Variants in DNER observed in about 807,000 individuals in gnomAD.
DNER encodes the protein delta/notch like EGF repeat containing.
A neutral mutation model predicts 78.2 loss-of-function variants in DNER; 33 were observed. That is an observed-to-expected ratio of 0.42 (90% CI 0.32 to 0.56). The LOEUF (loss-of-function observed/expected upper bound fraction) is 0.56, where lower values mean the gene tolerates loss of function less well. Among genes scored for constraint, DNER ranks in the 20% least tolerant of loss-of-function variants. DNER has a pLI of 0.11. For synonymous variants in DNER, 417 were observed against 384.8 expected, an observed-to-expected ratio of 1.08 and a Z score of -0.98; for missense variants, 918 against 975.3, an observed-to-expected ratio of 0.94 and a Z score of 0.78.
chr2:229,686,648 GCTGACTCCAGC>G (rs1242976601), intron 1 of DNER, among the ~76,000 whole-genome samples: 8 of 152,164 alleles, frequency 5.3e-5, no homozygotes, highest in Middle Eastern at 3.4e-3. Context: ...TCCTCCATGA[GCTGACTCCAGC>G]CTGACTCCAG....
At chr2:229,444,003 A>G (rs16826027) in intron 8 of DNER, among the ~76,000 whole-genome samples, 9,523 of 152,256 alleles carry the variant, frequency 0.063, 1,013 homozygotes, top group African/African-American at 0.22. Context: ...TGTCACGATT[A>G]CAAGGCTCTG....
chr2:229,405,390 C>T, intron 10 of DNER, among the ~76,000 whole-genome samples: 1 of 152,098 alleles, frequency 6.6e-6, no homozygotes, highest in Admixed American at 6.6e-5. Context: ...CCCTGGGATT[C>T]TATTTCTGCA....
chr2:229,442,528 AAT>A (rs1227484464), intron 8 of DNER, among the ~76,000 whole-genome samples: 1 of 140,866 alleles, frequency 7.1e-6, no homozygotes, highest in Non-Finnish European at 1.5e-5. Flanking sequence ...AAAAAAAAAA[AAT>A]GCTGGTAAAC....
Position 229,363,995 on chromosome 2 carries a change from TTTTTTTTTTTTTTTTTTTC to T in DNER, c.2102+2859_2102+2877del, listed in dbSNP as rs1450746160. On this transcript the variant is annotated intron_variant, in intron 12 of 12. Transcript: ENST00000341772. ...CTTGTCAATTCTCTGCTTTTTTTTTTTTTTTTTTTTTTTTTTTTCTGAGACAGAGTCTCCCTCTGTCGCC... is the reference window on the plus strand; with the variant it reads ...CTTGTCAATTCTCTGCTTTTTTTTTTTGAGACAGAGTCTCCCTCTGTCGCC... Among the ~76,000 whole-genome samples the T allele has an allele frequency of 3.9e-5, 5 of 129,364 alleles. No individual in the cohort carries two copies. In the South Asian group the frequency reaches 1.4e-3, roughly 36 times the overall value. The allele number at this position is 129,364 out of a possible 152,430, so 84.9% of individuals were successfully genotyped here. A position where few individuals can be genotyped will look rare whatever the true frequency, so the allele number is the denominator to read the frequency against.
chr2:229,584,006 GGTCA>G (rs1235361523), intron 4 of DNER, among the ~76,000 whole-genome samples: 2 of 152,186 alleles, frequency 1.3e-5, no homozygotes, highest in African/African-American at 2.4e-5. Flanking sequence ...ATCAGAAGAG[GGTCA>G]GTCAAACATA....
intron 1 of DNER, among the ~76,000 whole-genome samples, chr2:229,667,873 T>C (rs1574553121): frequency 6.6e-6 from 1 of 152,192 alleles, no homozygotes; most frequent in Admixed American, 6.5e-5. Flanking sequence ...ATAGTCATGG[T>C]ATCAACAGGC....
rs16826281 is a variant in DNER, at chr2:229,621,278, C to A, written c.277-29390G>T. Among the ~76,000 whole-genome samples, 1,490 of 152,306 alleles carry A rather than the reference C, an allele frequency of 9.8e-3. 22 individuals are homozygous for A. The highest frequency in any genetic ancestry group is 0.034 in the African/African-American group (1,432 of 41,560). ...GCCCTATTTTGATCATTCCTACATA[C>A]CGTTGTCAAAGTAGAATCTTCCTAA... is the stretch of plus-strand genomic sequence containing the variant. On this transcript the variant is annotated intron_variant, in intron 1 of 12. Coordinates refer to ENST00000341772, the MANE Select transcript of DNER (RefSeq NM_139072.4).
At chr2:229,362,995 T>C (rs979374021) in intron 12 of DNER, among the ~76,000 whole-genome samples, 3 of 152,188 alleles carry the variant, frequency 2.0e-5, no homozygotes, top group African/African-American at 7.2e-5. Flanking sequence ...ACTGAACATG[T>C]CCTCCATTGT....
At chr2:229,618,217 A>T (rs908112956) in intron 1 of DNER, among the ~76,000 whole-genome samples, 1 of 152,160 alleles carries the variant, frequency 6.6e-6, no homozygotes, top group Non-Finnish European at 1.5e-5. Flanking sequence ...AAATTCCCGT[A>T]AGAGTCTGGA....
intron 1 of DNER, among the ~76,000 whole-genome samples, chr2:229,684,373 C>G (rs1017524663): frequency 6.6e-6 from 1 of 151,772 alleles, no homozygotes; most frequent in African/African-American, 2.4e-5. Flanking sequence ...CACCCCATCC[C>G]CCTCTTCATC....
Position 229,591,860 on chromosome 2 carries a change from G to C in DNER, c.305C>G (p.Pro102Arg). 6.2e-7 allele frequency: 1 copy of C among 1,603,152 alleles called. No individual in the cohort carries two copies. The highest frequency in any genetic ancestry group is 1.1e-5 in the South Asian group (1 of 89,400). Residue 102 changes from proline to arginine, a missense_variant, in exon 2 of 13, where the codon CCT becomes CGT. By Grantham distance (103) the Pro-to-Arg change is moderately radical (BLOSUM62 -2). Transcript: ENST00000341772. The surrounding 1 kb of genome is among the most constrained non-coding windows in gnomAD (Gnocchi z 4.6). ...QLVADPCASN[P>R]CHHGNCSSSS... ...GCTGCTGCAGTTGCCATGGTGACAA[G>C]GGTTGCTGGCACAAGGATCTGCAAC...
chr2:229,446,621 G>A (rs1694348827), intron 8 of DNER, among the ~76,000 whole-genome samples: 1 of 152,174 alleles, frequency 6.6e-6, no homozygotes, highest in Non-Finnish European at 1.5e-5. Flanking sequence ...AGAAACGAGA[G>A]GAAAGGGCTG....
At chr2:229,626,613 C>T (rs186432840) in intron 1 of DNER, among the ~76,000 whole-genome samples, 48 of 152,292 alleles carry the variant, frequency 3.2e-4, no homozygotes, top group Admixed American at 2.6e-3. Context: ...TTCCTATACC[C>T]CATCTGCCTG....
At chr2:229,626,830 A>G (rs11678266) in intron 1 of DNER, among the ~76,000 whole-genome samples, 32,607 of 152,208 alleles carry the variant, frequency 0.21, 4,226 homozygotes, top group African/African-American at 0.34. Flanking sequence ...TTGTCCACAC[A>G]GTAAAGAAGA....
chr2:229,409,779 A>G (rs1021944028), intron 9 of DNER, among the ~76,000 whole-genome samples: 2 of 152,184 alleles, frequency 1.3e-5, no homozygotes, highest in Non-Finnish European at 2.9e-5. Context: ...CAGAAACCTG[A>G]TTACGGACAA....
At chr2:229,434,632 C>T (rs1039028542) in intron 8 of DNER, among the ~76,000 whole-genome samples, 3 of 152,062 alleles carry the variant, frequency 2.0e-5, no homozygotes, top group African/African-American at 7.2e-5. Context: ...AGTGAAAAAT[C>T]AGAAGTGTGT....
intron 1 of DNER, among the ~76,000 whole-genome samples, chr2:229,698,372 A>G (rs949562357): frequency 2.0e-5 from 3 of 152,196 alleles, no homozygotes; most frequent in Non-Finnish European, 4.4e-5. Flanking sequence ...AGAAAGAAGA[A>G]AACAATCAAG....
chr2:229,474,112 G>A (rs914319801), intron 7 of DNER, among the ~76,000 whole-genome samples: 1 of 152,078 alleles, frequency 6.6e-6, no homozygotes, highest in Non-Finnish European at 1.5e-5. Context: ...TGCCATGTTG[G>A]TCAGGCTGGT....
intron 1 of DNER, among the ~76,000 whole-genome samples, chr2:229,657,971 A>T (rs1458285698): frequency 6.6e-6 from 1 of 152,218 alleles, no homozygotes; most frequent in South Asian, 2.1e-4. Flanking sequence ...AACATGTAAA[A>T]TGTCCCTAAG....
Sources: allele counts gnomAD v4.1 joint callset (sites outside exome capture counted in the v4.1 genomes callset), GRCh38; gene constraint gnomAD v4.1.1; non-coding constraint Gnocchi (gnomAD v3.1); transcripts MANE v1.5; gene names NCBI Gene and HGNC (gene_info 2026-07-23, HGNC 2026-07-21).